MCOLN2: variants seen among roughly 807,000 people sequenced by gnomAD.
MCOLN2 encodes the protein mucolipin TRP cation channel 2, also known as mucolipin-2.
A neutral mutation model predicts 67.5 loss-of-function variants in MCOLN2; 57 were observed. That is an observed-to-expected ratio of 0.84 (90% CI 0.68 to 1.05). MCOLN2 has a LOEUF of 1.05. Among genes scored for constraint, MCOLN2 ranks in the 50% least tolerant of loss-of-function variants. MCOLN2 has a pLI of 0.00. For missense variants in MCOLN2, 620 were observed against 678.8 expected, an observed-to-expected ratio of 0.91 and a Z score of 0.96; for synonymous variants, 246 against 233.3, an observed-to-expected ratio of 1.05 and a Z score of -0.50.
At chr1:84,969,061 T>C (rs1488046532) in intron 1 of MCOLN2, among the ~76,000 whole-genome samples, 1 of 152,192 alleles carries the variant, frequency 6.6e-6, no homozygotes, top group Non-Finnish European at 1.5e-5. Flanking sequence ...CCGGAACACA[T>C]GGCAGTTCCT....
At chr1:84,963,738 C>T (rs554834378) in intron 2 of MCOLN2, among the ~76,000 whole-genome samples, 4 of 152,294 alleles carry the variant, frequency 2.6e-5, no homozygotes, top group East Asian at 1.9e-4. Flanking sequence ...TCCTCGCCTT[C>T]CCCCATGATT....
chr1:84,930,761 A>G (rs1661367167), intron 12 of MCOLN2, among the ~76,000 whole-genome samples: 1 of 152,220 alleles, frequency 6.6e-6, no homozygotes, highest in African/African-American at 2.4e-5. Context: ...ACCCTGAAGC[A>G]GGGTTTTCTA....
At chr1:84,963,560 C>T (rs1225568639) in intron 2 of MCOLN2, among the ~76,000 whole-genome samples, 1 of 152,186 alleles carries the variant, frequency 6.6e-6, no homozygotes, top group Non-Finnish European at 1.5e-5. Flanking sequence ...CCCAATGTTG[C>T]AGGAGGGGCC....
intron 2 of MCOLN2, among the ~76,000 whole-genome samples, chr1:84,959,853 A>G (rs563597778): frequency 6.6e-6 from 1 of 152,326 alleles, no homozygotes; most frequent in South Asian, 2.1e-4. Context: ...GTTCAATATG[A>G]TACATCTGAA....
Position 84,959,770 on chromosome 1 carries a change from T to C in MCOLN2, c.238-1068A>G, listed in dbSNP as rs550128495. ...ACTAAGCCACCAAATTTTGGGACTG[T>C]TTTCTTCCTATGTAAAATTAGCAAG... On this transcript the variant is annotated intron_variant, in intron 2 of 13. Transcript: ENST00000370608. Among the ~76,000 whole-genome samples the C allele has an allele frequency of 9.8e-5, 15 of 152,302 alleles. No individual in the cohort carries two copies. The South Asian group carries it at 2.1e-3, about 21-fold the overall frequency.
rs762741454 is a variant in MCOLN2 at position 84,965,650 on chromosome 1, T to G, written c.136A>C (p.Lys46Gln). 6.2e-7 allele frequency: 1 copy of G among 1,614,022 alleles called. No homozygotes were observed. The change falls in exon 2 of 14, where the codon AAG (lysine) becomes CAG (glutamine). Residue 46 changes from lysine to glutamine, a missense_variant. Transcript: ENST00000370608. ...TCACAAGGGCTCATGAAGTAAAACT[T>G]CAGGTCTTCCCTTAGACATTCTTCT... is the stretch of plus-strand genomic sequence containing the variant. The part of the protein sequence containing the change: ...MKEECLREDL[K>Q]FYFMSPCEKY...
chr1:84,934,897 G>C (rs1203336395), intron 11 of MCOLN2, among the ~76,000 whole-genome samples: 2 of 152,190 alleles, frequency 1.3e-5, no homozygotes, highest in African/African-American at 4.8e-5. Context: ...CCTGAAATCA[G>C]ATGCCTAACA....
At chr1:84,952,398 T>C in intron 5 of MCOLN2, 48 bp downstream of exon 5, 1 of 1,566,238 alleles carries the variant, frequency 6.4e-7, no homozygotes, top group Admixed American at 1.7e-5. Context: ...ACTATTCTCC[T>C]TCTCCCACCC....
At chr1:84,983,818 A>AG (rs1650376626) in intron 1 of MCOLN2, among the ~76,000 whole-genome samples, 2 of 151,448 alleles carry the variant, frequency 1.3e-5, no homozygotes, top group Non-Finnish European at 2.9e-5. Context: ...CTGGGATTAC[A>AG]GGCGCACGCC....
chr1:84,978,587 C>A (rs955373352), intron 1 of MCOLN2, among the ~76,000 whole-genome samples: 3 of 151,960 alleles, frequency 2.0e-5, no homozygotes, highest in Admixed American at 6.6e-5. Flanking sequence ...CAACTATATA[C>A]CAATAAATTG....
At chr1:84,987,752 T>A (rs1650692357) in intron 1 of MCOLN2, among the ~76,000 whole-genome samples, 2 of 138,866 alleles carry the variant, frequency 1.4e-5, no homozygotes, top group Non-Finnish European at 3.1e-5. Context: ...AGGAACAAAA[T>A]AATGGCATTT....
At chr1:84,987,683 T>TACATAC (rs1650687828) in intron 1 of MCOLN2, among the ~76,000 whole-genome samples, 23 of 113,238 alleles carry the variant, frequency 2.0e-4, no homozygotes, top group African/African-American at 6.9e-4. Flanking sequence ...TATAGATATA[T>TACATAC]AGATGTATAG....
At chr1:84,985,119 A>G (rs1358530130) in intron 1 of MCOLN2, among the ~76,000 whole-genome samples, 1 of 152,154 alleles carries the variant, frequency 6.6e-6, no homozygotes, top group African/African-American at 2.4e-5. Flanking sequence ...AAGTAAAGCC[A>G]TCTGATGGAA....
chr1:84,987,852 T>A (rs1342317877), intron 1 of MCOLN2, among the ~76,000 whole-genome samples: 2 of 151,724 alleles, frequency 1.3e-5, no homozygotes, highest in African/African-American at 4.8e-5. Context: ...CACTTATAGG[T>A]GTGAGCTAAG....
chr1:84,968,365 G>A (rs867649645), intron 1 of MCOLN2, among the ~76,000 whole-genome samples: 1 of 151,900 alleles, frequency 6.6e-6, no homozygotes. Flanking sequence ...TCATATCCCC[G>A]GAAACACCCA....
At chr1:84,984,193 G>A (rs1390316741) in intron 1 of MCOLN2, among the ~76,000 whole-genome samples, 2 of 152,034 alleles carry the variant, frequency 1.3e-5, no homozygotes, top group Non-Finnish European at 2.9e-5. Flanking sequence ...CTTCAGAGTT[G>A]AGCTATTAAC....
intron 1 of MCOLN2, among the ~76,000 whole-genome samples, chr1:84,996,553 T>A (rs543820546): frequency 1.6e-4 from 24 of 151,974 alleles, no homozygotes; most frequent in African/African-American, 5.6e-4. Flanking sequence ...GCCAACCGGC[T>A]GAACTGTGCG....
intron 1 of MCOLN2, among the ~76,000 whole-genome samples, chr1:84,976,737 G>A (rs1407543333): frequency 1.3e-5 from 2 of 152,092 alleles, no homozygotes; most frequent in African/African-American, 4.8e-5. Flanking sequence ...CTGCACTCCA[G>A]CCTGGGTGAC....
At position 84,939,594 on chromosome 1, in the gene MCOLN2, T is replaced by C; in HGVS notation, c.1069A>G (p.Thr357Ala). ...ATTTTTAATATGGAGCCAATGATTG[T>C]CATTAGGTCGCTGATAATCACCAGG... Reference protein sequence around the residue: ...YVLVIISDLMTIIGSILKMEI... With the variant: ...YVLVIISDLMAIIGSILKMEI... Residue 357 changes from threonine (T) to alanine (A), a missense_variant, in exon 9 of 14, where the codon ACA becomes GCA. Transcript: ENST00000370608. The C allele has an allele frequency of 6.2e-7, 1 of 1,614,134 alleles. No individual in the cohort carries two copies. The highest frequency in any genetic ancestry group is 8.5e-7 in the Non-Finnish European group (1 of 1,180,002).
Sources: allele counts gnomAD v4.1 joint callset (sites outside exome capture counted in the v4.1 genomes callset), GRCh38; gene constraint gnomAD v4.1.1; transcripts MANE v1.5; gene names NCBI Gene and HGNC (gene_info 2026-07-23, HGNC 2026-07-21).